Variants in CAST observed in about 807,000 individuals in gnomAD.
The protein encoded by CAST is calpastatin, also known as MIR583 host.
Under a neutral mutation model 119.6 loss-of-function variants are expected in CAST, and 76 were observed. That is an observed-to-expected ratio of 0.64 (90% CI 0.53 to 0.77). The LOEUF (loss-of-function observed/expected upper bound fraction) is 0.77. CAST is among the 30% of genes least tolerant of loss of function. The pLI, the probability that CAST is intolerant of heterozygous loss-of-function variation, is 0.00. For missense variants in CAST, 953 were observed against 946.5 expected, an observed-to-expected ratio of 1.01 and a Z score of -0.09; for synonymous variants, 319 against 331.6, an observed-to-expected ratio of 0.96 and a Z score of 0.41.
chr5:96,189,034 A>C, the CAST span, among the ~76,000 whole-genome samples: 2 of 152,246 alleles, frequency 1.3e-5, no homozygotes, highest in Non-Finnish European at 1.5e-5. Flanking sequence ...ATTTGTGCTC[A>C]TTTTCTCAGT....
chr5:96,621,051 AACCTCCTCACAGAT>A (rs1274650506), intron 1 of CAST, among the ~76,000 whole-genome samples: 1 of 152,136 alleles, frequency 6.6e-6, no homozygotes, highest in East Asian at 1.9e-4. Context: ...CCCCTCCTTC[AACCTCCTCACAGAT>A]ACCTCAAGTT....
At chr5:96,687,876 C>T (rs1315511785) in intron 2 of CAST, among the ~76,000 whole-genome samples, 1 of 152,068 alleles carries the variant, frequency 6.6e-6, no homozygotes, top group Non-Finnish European at 1.5e-5. Context: ...AGCAAGTAGA[C>T]TCAGTAAAAT....
chr5:96,079,177 A>G, the CAST span: 2 of 472,834 alleles, frequency 4.2e-6, no homozygotes, highest in Non-Finnish European at 8.8e-6. Flanking sequence ...CCATTACTGC[A>G]GGGATCTTAG....
chr5:96,376,686 C>A, the CAST span, among the ~76,000 whole-genome samples: 1 of 152,206 alleles, frequency 6.6e-6, no homozygotes, highest in Admixed American at 6.5e-5. Context: ...AGTGATCTGC[C>A]TGCCTGGCCT....
the CAST span, among the ~76,000 whole-genome samples, chr5:96,471,786 G>GTT: frequency 0.016 from 2,395 of 149,532 alleles, 70 homozygotes; most frequent in African/African-American, 0.056. Flanking sequence ...GTGTGTGTGT[G>GTT]TGTGTGTGTG....
At chr5:96,016,367 C>A in the CAST span, among the ~76,000 whole-genome samples, 1 of 152,200 alleles carries the variant, frequency 6.6e-6, no homozygotes, top group Non-Finnish European at 1.5e-5. Flanking sequence ...GAACCCAAGT[C>A]CAGAACTCTG....
chr5:96,356,257 C>T, the CAST span, among the ~76,000 whole-genome samples: 9 of 152,254 alleles, frequency 5.9e-5, no homozygotes, highest in South Asian at 1.0e-3. Context: ...GAATAGATTG[C>T]AAAAATTTTC....
chr5:96,158,815 A>T, the CAST span, among the ~76,000 whole-genome samples: 1 of 152,372 alleles, frequency 6.6e-6, no homozygotes, highest in African/African-American at 2.4e-5. Flanking sequence ...GATTGCCAGC[A>T]CTATCTTAAG....
the CAST span, among the ~76,000 whole-genome samples, chr5:96,264,155 CTG>C: frequency 6.6e-6 from 1 of 152,238 alleles, no homozygotes; most frequent in Non-Finnish European, 1.5e-5. Flanking sequence ...GCAATATCCT[CTG>C]TCAATGTCTT....
chr5:96,268,398 C>G, the CAST span, among the ~76,000 whole-genome samples: 1 of 152,108 alleles, frequency 6.6e-6, no homozygotes, highest in Non-Finnish European at 1.5e-5. Context: ...CATAGCAAAA[C>G]CCCATCTCTA....
At chr5:96,168,759 T>G in the CAST span, among the ~76,000 whole-genome samples, 1 of 152,058 alleles carries the variant, frequency 6.6e-6, no homozygotes, top group South Asian at 2.1e-4. Context: ...GAATAATGTG[T>G]GAGGCTCGAT....
intron 1 of CAST, among the ~76,000 whole-genome samples, chr5:96,614,236 C>T (rs1747414277): frequency 6.6e-6 from 1 of 152,144 alleles, no homozygotes; most frequent in Non-Finnish European, 1.5e-5. Context: ...CAAATGATTC[C>T]ATTTCCCTCT....
intron 1 of CAST, among the ~76,000 whole-genome samples, chr5:96,624,054 T>G (rs1236298820): frequency 3.3e-5 from 5 of 152,202 alleles, no homozygotes; most frequent in Non-Finnish European, 7.3e-5. Flanking sequence ...CAGATCTAAG[T>G]AGCACTCAAA....
At chr5:96,227,102 T>C in the CAST span, among the ~76,000 whole-genome samples, 3 of 152,138 alleles carry the variant, frequency 2.0e-5, no homozygotes, top group Non-Finnish European at 4.4e-5. Flanking sequence ...TGGTTTAATG[T>C]CAGAACACAC....
intron 1 of CAST, among the ~76,000 whole-genome samples, chr5:96,571,186 C>T (rs1396967518): frequency 2.0e-5 from 3 of 152,122 alleles, no homozygotes; most frequent in African/African-American, 7.2e-5. Context: ...CAAATCTGGA[C>T]CTTATTCCAG....
chr5:96,610,395 A>C (rs989922896), intron 1 of CAST, among the ~76,000 whole-genome samples: 1 of 152,260 alleles, frequency 6.6e-6, no homozygotes, highest in Non-Finnish European at 1.5e-5. Context: ...GGTTCACCAC[A>C]CAAACAGAAT....
At chr5:96,404,257 G>C in the CAST span, among the ~76,000 whole-genome samples, 1 of 152,148 alleles carries the variant, frequency 6.6e-6, no homozygotes, top group Admixed American at 6.5e-5. Context: ...CTTGGTTAAG[G>C]TATTACTAGC....
At chr5:96,032,964 C>A in the CAST span, among the ~76,000 whole-genome samples, 1,691 of 152,124 alleles carry the variant, frequency 0.011, 44 homozygotes, top group African/African-American at 0.038. Flanking sequence ...CACTAATAAG[C>A]AAATTCAGTA....
chr5:96,603,739 A>G (rs962163764), intron 1 of CAST, among the ~76,000 whole-genome samples: 1 of 150,164 alleles, frequency 6.7e-6, no homozygotes, highest in East Asian at 1.9e-4. Flanking sequence ...TGTACTGTAC[A>G]TCATTGTATG....
Sources: gnomAD v4.1 joint callset for allele counts (sites outside exome capture counted in the v4.1 genomes callset) on GRCh38, gnomAD v4.1.1 for gene constraint, MANE v1.5 for transcripts, NCBI Gene and HGNC (gene_info 2026-07-23, HGNC 2026-07-21) for gene names.